Variants in ABLIM1 observed in about 807,000 individuals in gnomAD.
The protein encoded by ABLIM1 is actin-binding LIM protein 1.
A neutral mutation model predicts 107.0 loss-of-function variants in ABLIM1; 40 were observed. The observed-to-expected ratio is 0.37, with a 90% CI of 0.29 to 0.49. The LOEUF (loss-of-function observed/expected upper bound fraction) is 0.49. ABLIM1 is among the 20% of genes least tolerant of loss of function. The pLI, the probability that ABLIM1 is intolerant of heterozygous loss-of-function variation, is 0.97. For synonymous variants in ABLIM1, 357 were observed against 357.3 expected (o/e 1.00, Z 0.01); for missense variants, 857 against 1,008.5 (o/e 0.85, Z 2.04).
chr10:114,788,165 C>G, the ABLIM1 span, among the ~76,000 whole-genome samples: 3 of 151,458 alleles, frequency 2.0e-5, no homozygotes, highest in East Asian at 3.9e-4. Flanking sequence ...ACTCCCTAAT[C>G]TCAAGTACCC....
At chr10:114,673,945 A>T (rs556908950) in intron 1 of ABLIM1, among the ~76,000 whole-genome samples, 1 of 152,086 alleles carries the variant, frequency 6.6e-6, no homozygotes, top group African/African-American at 2.4e-5. Flanking sequence ...TAATCAGAGG[A>T]AAAAAAAGTG....
At chr10:114,518,572 A>C (rs555057867) in intron 6 of ABLIM1, among the ~76,000 whole-genome samples, 32 of 152,180 alleles carry the variant, frequency 2.1e-4, no homozygotes, top group Non-Finnish European at 4.3e-4. Context: ...CAAGATTGGC[A>C]GCCCATAGGT....
At chr10:114,507,697 G>A (rs2061347791) in intron 6 of ABLIM1, among the ~76,000 whole-genome samples, 1 of 152,182 alleles carries the variant, frequency 6.6e-6, no homozygotes, top group Admixed American at 6.5e-5. Flanking sequence ...GAGATCTAGG[G>A]ACCGTGCCAT....
In ABLIM1 at chr10:114,441,804, A is replaced by C. The variant is rs547513245; in HGVS notation, c.1934-18T>G. The C allele has an allele frequency of 6.9e-6, 11 of 1,605,784 alleles. No homozygotes were observed. The Admixed American group carries it at 8.3e-5, about 12-fold the overall frequency. ...ATGTGAAGCTGAGTAAGAAAAAAGT[A>C]AAAAACCAATTGTTAGGAAATCAGA... On this transcript the variant is annotated intron_variant, in intron 17 of 22. Coordinates refer to ENST00000533213, the MANE Select transcript of ABLIM1 (RefSeq NM_002313.7).
At chr10:114,672,769 C>T (rs2080309791) in intron 1 of ABLIM1, among the ~76,000 whole-genome samples, 1 of 152,152 alleles carries the variant, frequency 6.6e-6, no homozygotes, top group Admixed American at 6.5e-5. Context: ...TGTTCCATCT[C>T]AAATTAAATT....
At chr10:114,519,008 T>G (rs868231571) in intron 6 of ABLIM1, among the ~76,000 whole-genome samples, 1 of 152,096 alleles carries the variant, frequency 6.6e-6, no homozygotes, top group Non-Finnish European at 1.5e-5. Context: ...GCAAAAATCT[T>G]TTGAATATCT....
chr10:114,703,804 GGGTCGCA>G (rs2081352349), intron 1 of ABLIM1, among the ~76,000 whole-genome samples: 1 of 152,210 alleles, frequency 6.6e-6, no homozygotes, highest in Admixed American at 6.5e-5. Flanking sequence ...GAGCCCAGAA[GGGTCGCA>G]GATAGAGGCT....
chr10:114,780,408 GC>G, the ABLIM1 span, among the ~76,000 whole-genome samples: 1 of 152,170 alleles, frequency 6.6e-6, no homozygotes, highest in Non-Finnish European at 1.5e-5. Flanking sequence ...GAGAAGTTTG[GC>G]TTTATAGACA....
rs938664580 is a variant in ABLIM1, at chr10:114,443,922, C to T, written c.1933+107G>A. The T allele has an allele frequency of 7.7e-5, 66 of 861,684 alleles. No individual in the cohort carries two copies. In the Middle Eastern group the frequency reaches 1.2e-3, roughly 16 times the overall value. 53.4% of individuals were successfully genotyped at this position (861,684 alleles called of 1,614,324 possible). A position where few individuals can be genotyped will look rare whatever the true frequency, so the allele number is the denominator to read the frequency against. On this transcript the variant is annotated intron_variant, in intron 17 of 22. Transcript: ENST00000533213. Reference sequence around the variant, plus strand: ...GAGTGGGTTTCCCACACTTCCTTTCCCGTGGAATACTCTGTAGGTTCCACC... The same window carrying T: ...GAGTGGGTTTCCCACACTTCCTTTCTCGTGGAATACTCTGTAGGTTCCACC...
intron 1 of ABLIM1, among the ~76,000 whole-genome samples, chr10:114,702,361 A>T (rs1056163853): frequency 6.6e-6 from 1 of 152,338 alleles, no homozygotes; most frequent in Non-Finnish European, 1.5e-5. Flanking sequence ...AATGAAACAT[A>T]CAAATCTGGA....
the ABLIM1 span, among the ~76,000 whole-genome samples, chr10:114,788,999 G>A: frequency 1.3e-5 from 2 of 152,182 alleles, no homozygotes; most frequent in East Asian, 3.9e-4. Flanking sequence ...ACTCATGCCT[G>A]TAATCCCAGC....
At chr10:114,518,281 T>G (rs1297595122) in intron 6 of ABLIM1, among the ~76,000 whole-genome samples, 1 of 151,998 alleles carries the variant, frequency 6.6e-6, no homozygotes, top group Admixed American at 6.6e-5. Context: ...TAGACCCAAC[T>G]CTCAACAATA....
At chr10:114,795,645 G>T in the ABLIM1 span, among the ~76,000 whole-genome samples, 43 of 151,342 alleles carry the variant, frequency 2.8e-4, no homozygotes, top group Middle Eastern at 3.4e-3. Flanking sequence ...GGAGGCAAAG[G>T]TTGCAGTGAG....
the ABLIM1 span, among the ~76,000 whole-genome samples, chr10:114,792,890 G>A: frequency 6.6e-6 from 1 of 152,204 alleles, no homozygotes; most frequent in East Asian, 1.9e-4. Context: ...AGTGGCTCAT[G>A]CCTGTAATCC....
At chr10:114,511,371 A>C (rs2061847431) in intron 6 of ABLIM1, among the ~76,000 whole-genome samples, 1 of 151,758 alleles carries the variant, frequency 6.6e-6, no homozygotes, top group African/African-American at 2.4e-5. Flanking sequence ...CCTCTTTAAA[A>C]AAATTTTTTT....
At chr10:114,679,268 C>G (rs1461745702) in intron 1 of ABLIM1, among the ~76,000 whole-genome samples, 1 of 152,174 alleles carries the variant, frequency 6.6e-6, no homozygotes, top group Non-Finnish European at 1.5e-5. Context: ...GTGCTGCCTG[C>G]TCTTCTGAGG....
intron 1 of ABLIM1, among the ~76,000 whole-genome samples, chr10:114,622,154 G>A (rs771023434): frequency 6.6e-6 from 1 of 152,088 alleles, no homozygotes; most frequent in Non-Finnish European, 1.5e-5. Flanking sequence ...ATTTTTCCAG[G>A]AAGGGAGTAC....
At chr10:114,703,399 G>C (rs1370177602) in intron 1 of ABLIM1, among the ~76,000 whole-genome samples, 3 of 152,216 alleles carry the variant, frequency 2.0e-5, no homozygotes, top group Admixed American at 6.5e-5. Flanking sequence ...GGGAGTATTT[G>C]TCTGTGTGTG....
chr10:114,528,335 A>G (rs1390041336), intron 6 of ABLIM1, among the ~76,000 whole-genome samples: 3 of 152,186 alleles, frequency 2.0e-5, no homozygotes, highest in African/African-American at 7.2e-5. Context: ...ATTTGCCCAC[A>G]AAGATCAGGA....
Sources: allele counts gnomAD v4.1 joint callset (sites outside exome capture counted in the v4.1 genomes callset), GRCh38; gene constraint gnomAD v4.1.1; transcripts MANE v1.5; gene names NCBI Gene and HGNC (gene_info 2026-07-23, HGNC 2026-07-21).